PPL: variants seen among roughly 807,000 people sequenced by gnomAD.
The protein encoded by PPL is 190 kDa paraneoplastic pemphigus antigen.
A neutral mutation model predicts 194.4 loss-of-function variants in PPL; 198 were observed. The observed-to-expected ratio is 1.02, with a 90% CI of 0.91 to 1.15. The LOEUF (loss-of-function observed/expected upper bound fraction) is 1.15, where lower values mean the gene tolerates loss of function less well. PPL is among the 50% of genes most tolerant of loss of function. The pLI, the probability that PPL is intolerant of heterozygous loss-of-function variation, is 0.00. For synonymous variants in PPL, 1,220 were observed against 972.4 expected (o/e 1.25, Z -4.74); for missense variants, 2,885 against 2,294.8 (o/e 1.26, Z -5.25).
intron 17 of PPL, 71 bp from the exon 18 acceptor site, chr16:4,890,405 T>TA: frequency 2.8e-6 from 4 of 1,453,528 alleles, no homozygotes; most frequent in Non-Finnish European, 2.7e-6. Context: ...TTTTTTTTTT[T>TA]AAAGTGGGAA....
chr16:4,892,195 G>A lies in PPL; in HGVS notation c.1669C>T (p.Leu557=), dbSNP rs200472038. ...KDLKNITNEL[L]RIEPEKTRST... ...CGCGTCTTCTCAGGTTCAATCCGCA[G>A]TAGCTCGTTGGTGATGTTCTGTGGG... Residue 557 remains leucine, a synonymous_variant, in exon 15 of 22, where the codon CTG becomes TTG. Transcript: ENST00000345988. The A allele has an allele frequency of 6.2e-6, 10 of 1,612,872 alleles. No individual in the cohort carries two copies. Among genetic ancestry groups the A allele is most frequent in the Non-Finnish European group, 8.5e-6 (10 of 1,179,264 alleles).
intron 18 of PPL, 80 bp from the exon 19 acceptor site, chr16:4,889,141 C>G (rs1270842163): frequency 9.1e-7 from 1 of 1,096,274 alleles, no homozygotes; most frequent in East Asian, 2.4e-5. Context: ...AGCTGGAAAT[C>G]TCAGAATCTG....
intron 2 of PPL, among the ~76,000 whole-genome samples, chr16:4,910,408 A>T (rs762004621): frequency 5.9e-5 from 9 of 152,180 alleles, no homozygotes; most frequent in Non-Finnish European, 2.9e-5. Context: ...AATCTCGTTC[A>T]TGGGGAGGTG....
At chr16:4,900,354 C>T (rs1308485072) in intron 6 of PPL, among the ~76,000 whole-genome samples, 3 of 151,256 alleles carry the variant, frequency 2.0e-5, no homozygotes, top group Non-Finnish European at 2.9e-5. Context: ...CAGGGCAGAC[C>T]TTGCAGCCGC....
rs993468520 is a variant in PPL, at chr16:4,912,659, G to A, written c.63-1710C>T. On this transcript the variant is annotated intron_variant, in intron 1 of 21. Coordinates refer to ENST00000345988, the MANE Select transcript of PPL (RefSeq NM_002705.5). ...ATCAGAAATCAGAAGCCCTCACCATGAGTGAATTAGCTGCCAAAATAAATT... is the reference window on the plus strand; with the variant it reads ...ATCAGAAATCAGAAGCCCTCACCATAAGTGAATTAGCTGCCAAAATAAATT... Among the ~76,000 whole-genome samples, 8 of 152,380 alleles carry A rather than the reference G, an allele frequency of 5.3e-5. No homozygotes were observed. In the East Asian group the frequency reaches 9.6e-4, roughly 18 times the overall value.
At position 4,902,396 on chromosome 16, in the gene PPL, C is replaced by T. The variant is rs755716644; in HGVS notation, c.438+10G>A. Reference sequence around the variant, plus strand: ...AAACCCTGGAGCCAGCGGCCCCGTCCAGGCCATACCAGCTTCTCCTCCACC... The same window carrying T: ...AAACCCTGGAGCCAGCGGCCCCGTCTAGGCCATACCAGCTTCTCCTCCACC... On this transcript the variant is annotated intron_variant, in intron 4 of 21. Coordinates refer to ENST00000345988, the MANE Select transcript of PPL (RefSeq NM_002705.5). The surrounding 1 kb of genome is among the most constrained non-coding windows in gnomAD (Gnocchi z 4.0). 1.2e-6 allele frequency: 2 copies of T among 1,613,688 alleles called. No homozygotes were observed. Among genetic ancestry groups the T allele is most frequent in the Non-Finnish European group, 1.7e-6 (2 of 1,179,750 alleles).
intron 9 of PPL, among the ~76,000 whole-genome samples, chr16:4,897,137 C>A (rs1279972108): frequency 3.3e-5 from 5 of 151,332 alleles, no homozygotes; most frequent in Non-Finnish European, 7.4e-5. Flanking sequence ...GAGTTCGAGA[C>A]CAGCCTGACC....
In PPL at chr16:4,899,423, C is replaced by G. The variant is rs766038375; in HGVS notation, c.607-39G>C. The G allele has an allele frequency of 4.9e-6, 7 of 1,431,548 alleles. No individual in the cohort carries two copies. In the Admixed American group the frequency reaches 1.3e-4, roughly 26 times the overall value. The allele number at this position is 1,431,548 out of a possible 1,614,324, so 88.7% of individuals were successfully genotyped here. On this transcript the variant is annotated intron_variant, in intron 6 of 21. Transcript: ENST00000345988. ...GGCAAGGAAAGGGCTGCGTCCTCAG[C>G]CCGCTGCCACTGCTCGCTTCCTTCC...
chr16:4,909,835 C>A (rs2088783752), intron 2 of PPL, among the ~76,000 whole-genome samples: 1 of 152,174 alleles, frequency 6.6e-6, no homozygotes, highest in Admixed American at 6.5e-5. Context: ...TTAGCATAAG[C>A]CTTTCCCTAA....
rs2088349261 is a variant in PPL, at chr16:4,893,033, TA to T, written c.1650+179del. ...CTGCCAGCTCTTTCTCCTGGGGAGG[TA>T]ATGACAGCAGCCCTGCCACCTCCAT... On this transcript the variant is annotated intron_variant, in intron 14 of 21. Transcript: ENST00000345988. 4 of 726,682 alleles carry T rather than the reference TA, an allele frequency of 5.5e-6. No homozygotes were observed. The African/African-American group carries it at 7.2e-5, about 13-fold the overall frequency. 45.0% of individuals were successfully genotyped at this position (726,682 alleles called of 1,614,324 possible). A position where few individuals can be genotyped will look rare whatever the true frequency, so the allele number is the denominator to read the frequency against.
intron 16 of PPL, 145 bp downstream of exon 16, chr16:4,891,666 C>G: frequency 9.9e-7 from 1 of 1,010,282 alleles, no homozygotes; most frequent in South Asian, 1.7e-5. Flanking sequence ...TGCTGTGGGC[C>G]TCCATTTGCA....
chr16:4,915,906 C>T (rs1568041467), intron 1 of PPL, among the ~76,000 whole-genome samples: 1 of 152,112 alleles, frequency 6.6e-6, no homozygotes, highest in Non-Finnish European at 1.5e-5. Context: ...GACTCTAGGC[C>T]CTTAACAATT....
At position 4,900,434 on chromosome 16, in the gene PPL, C is replaced by CTTTTTTTTTTTTTTTTTTTTT. The variant is rs1217002366; in HGVS notation, c.606+375_606+395dup. ...CCTGATTGAAACGTTTACTGCACGC[C>CTTTTTTTTTTTTTTTTTTTTT]TTTTTTTTTTTTTTTTTTTTTTAAA... On this transcript the variant is annotated intron_variant, in intron 6 of 21. Transcript: ENST00000345988. 6.6e-4 allele frequency among the ~76,000 whole-genome samples: 41 copies of CTTTTTTTTTTTTTTTTTTTTT among 61,674 alleles called. 14 individuals are homozygous for CTTTTTTTTTTTTTTTTTTTTT. The highest frequency in any genetic ancestry group is 1.1e-3 in the Non-Finnish European group (35 of 32,586). The allele number at this position is 61,674 out of a possible 152,430, so 40.5% of individuals were successfully genotyped here. A position where few individuals can be genotyped will look rare whatever the true frequency, so the allele number is the denominator to read the frequency against.
In PPL at chr16:4,900,881, G is replaced by A. The variant is rs754308830; in HGVS notation, c.565-10C>T. 6.2e-7 allele frequency: 1 copy of A among 1,614,166 alleles called. No homozygotes were observed. Among genetic ancestry groups the A allele is most frequent in the South Asian group, 1.1e-5 (1 of 91,088 alleles). On this transcript the variant is annotated splice_polypyrimidine_tract_variant and intron_variant, in intron 5 of 21. Transcript: ENST00000345988. ...GTTCGCTGTTCTGCTCCTGAGGACA[G>A]AGCCGAGGGCATGGGTCAGGGCCAG...
intron 1 of PPL, among the ~76,000 whole-genome samples, chr16:4,927,869 G>C (rs1461337974): frequency 6.6e-6 from 1 of 152,206 alleles, no homozygotes; most frequent in East Asian, 1.9e-4. Flanking sequence ...AGAAGTTCAA[G>C]CTGCTTCAGG....
Position 4,900,766 on chromosome 16 carries a change from C to G in PPL, c.606+64G>C, listed in dbSNP as rs141527264. On this transcript the variant is annotated intron_variant, in intron 6 of 21. Coordinates refer to ENST00000345988, the MANE Select transcript of PPL (RefSeq NM_002705.5). Reference sequence around the variant, plus strand: ...TTTTAAAACAATACATCCTTGTCCCCCCGACTCCAAGCTTCCCATCCTCTC... The same window carrying G: ...TTTTAAAACAATACATCCTTGTCCCGCCGACTCCAAGCTTCCCATCCTCTC... 10 of 1,606,698 alleles carry G rather than the reference C, an allele frequency of 6.2e-6. No individual in the cohort carries two copies. The African/African-American group carries it at 1.2e-4, about 19-fold the overall frequency.
chr16:4,889,635 T>G (rs553525972), intron 18 of PPL, among the ~76,000 whole-genome samples: 12 of 152,278 alleles, frequency 7.9e-5, no homozygotes, highest in African/African-American at 2.2e-4. Flanking sequence ...TACTGATGAT[T>G]TGGACCACCA....
Position 4,885,719 on chromosome 16 carries a change from CGCAGCT to C in PPL, c.2930_2935del (p.Gln977_Leu978del). On this transcript the variant is annotated inframe_deletion, in exon 22 of 22. Coordinates refer to ENST00000345988, the MANE Select transcript of PPL (RefSeq NM_002705.5). The surrounding 1 kb of genome is among the most constrained non-coding windows in gnomAD (Gnocchi z 6.3). ...GTCTCTGGTCTCCTGCTCCAGGGCA[CGCAGCT>C]GCAGCTGCAGTGCCTCCAGCTCCTC... 3 of 1,613,328 alleles carry C rather than the reference CGCAGCT, an allele frequency of 1.9e-6. No individual in the cohort carries two copies. Among genetic ancestry groups the C allele is most frequent in the Non-Finnish European group, 2.5e-6 (3 of 1,179,960 alleles).
chr16:4,895,727 A>T lies in PPL; in HGVS notation c.973-11T>A, dbSNP rs2088414849. On this transcript the variant is annotated splice_polypyrimidine_tract_variant and intron_variant, in intron 9 of 21. Coordinates refer to ENST00000345988, the MANE Select transcript of PPL (RefSeq NM_002705.5). ...CACGTCTTCGTGAAACTAGGGGAGA[A>T]GGTGGCTCTGTTACAGCCAGGAAAC... 6.2e-7 allele frequency: 1 copy of T among 1,613,618 alleles called. No homozygotes were observed. The highest frequency in any genetic ancestry group is 8.5e-7 in the Non-Finnish European group (1 of 1,180,002).
Sources: allele counts gnomAD v4.1 joint callset (sites outside exome capture counted in the v4.1 genomes callset), GRCh38; gene constraint gnomAD v4.1.1; non-coding constraint Gnocchi (gnomAD v3.1); transcripts MANE v1.5; gene names NCBI Gene and HGNC (gene_info 2026-07-23, HGNC 2026-07-21).